PDE12: variants seen among roughly 807,000 people sequenced by gnomAD.
The protein encoded by PDE12 is 2',5'-phosphodiesterase 12.
A neutral mutation model predicts 45.4 loss-of-function variants in PDE12; 26 were observed. The ratio of observed to expected loss-of-function variants is 0.57; its 90% confidence interval spans 0.42 to 0.79. PDE12 has a LOEUF of 0.79. PDE12 is among the 30% of genes least tolerant of loss of function. The probability of loss-of-function intolerance (pLI) is 0.00; values close to 1 mark genes in which losing one functional copy is unlikely to be tolerated. For missense variants in PDE12, 668 were observed against 790.0 expected (o/e 0.85, Z 1.85); for synonymous variants, 283 against 323.9 (o/e 0.87, Z 1.36).
At chr3:57,598,711 G>T in the PDE12 span, among the ~76,000 whole-genome samples, 7 of 152,268 alleles carry the variant, frequency 4.6e-5, no homozygotes, top group East Asian at 1.3e-3. Context: ...AACCCGGGAG[G>T]CGGAGGTTGC....
At chr3:57,557,723 C>A in intron 1 of PDE12, 36 bp downstream of exon 1, 1 of 1,570,884 alleles carries the variant, frequency 6.4e-7, no homozygotes, top group Non-Finnish European at 8.7e-7. Flanking sequence ...ACATACTGTC[C>A]CACTTTTAGG....
the PDE12 span, among the ~76,000 whole-genome samples, chr3:57,638,420 G>A: frequency 6.6e-6 from 1 of 151,848 alleles, no homozygotes; most frequent in Non-Finnish European, 1.5e-5. Flanking sequence ...CACTTTGGGA[G>A]GCCAAGGCGG....
At chr3:57,580,503 G>C in the PDE12 span, among the ~76,000 whole-genome samples, 1 of 152,082 alleles carries the variant, frequency 6.6e-6, no homozygotes, top group Non-Finnish European at 1.5e-5. Context: ...CTGTGCTCAG[G>C]TGATCCTCCC....
chr3:57,561,941 A>C lies in PDE12; in HGVS notation c.*1937A>C. On this transcript the variant is annotated 3_prime_UTR_variant, in exon 3 of 3. Transcript: ENST00000311180. ...TTGTTTAGAAAAAACTATAAATAAA[A>C]AATTGATGCTACCAAATTGTGCCTT... 5 of 984,886 alleles carry C rather than the reference A, an allele frequency of 5.1e-6. No individual in the cohort carries two copies. The highest frequency in any genetic ancestry group is 6.0e-6 in the Non-Finnish European group (5 of 829,410). The allele number at this position is 984,886 out of a possible 1,614,324, so 61.0% of individuals were successfully genotyped here.
chr3:57,557,673 T>G lies in PDE12; in HGVS notation c.1294T>G (p.Ser432Ala), dbSNP rs369543865. The G allele has an allele frequency of 9.3e-6, 15 of 1,613,382 alleles. No individual in the cohort carries two copies. The highest frequency in any genetic ancestry group is 8.5e-6 in the Non-Finnish European group (10 of 1,179,692). The change falls in exon 1 of 3, where the codon TCT (serine) becomes GCT (alanine). Residue 432 changes from serine to alanine, a missense_variant. This residue lies in a region of PDE12 where 580 missense variants were observed against 662.9 expected (regional missense o/e 0.87). Transcript: ENST00000311180. ...AGCGCAGGAGAAGGTGCTCCAGAGA[T>G]CTTCTGTTCTTCAGGTAAAGTAGTT... ...PSAQEKVLQR[S>A]SVLQVSVLQS...
chr3:57,656,339 G>C, the PDE12 span, among the ~76,000 whole-genome samples: 1 of 152,088 alleles, frequency 6.6e-6, no homozygotes, highest in African/African-American at 2.4e-5. Flanking sequence ...TCACATTGTT[G>C]CATGTATCAA....
chr3:57,595,627 G>C, the PDE12 span, among the ~76,000 whole-genome samples: 1 of 152,270 alleles, frequency 6.6e-6, no homozygotes, highest in African/African-American at 2.4e-5. Context: ...GCTTGTGTTT[G>C]CAAGTTTTGA....
chr3:57,561,087 A>G lies in PDE12; in HGVS notation c.*1083A>G, dbSNP rs975290294. The G allele has an allele frequency of 3.1e-6, 3 of 982,694 alleles. No homozygotes were observed. Among genetic ancestry groups the G allele is most frequent in the Admixed American group, 6.2e-5 (1 of 16,244 alleles). The allele number at this position is 982,694 out of a possible 1,614,324, so 60.9% of individuals were successfully genotyped here. A position where few individuals can be genotyped will look rare whatever the true frequency, so the allele number is the denominator to read the frequency against. ...TTTTAATTTTTAGGATGCAAGCACAATTTAGTATTCAAAGTGAGTAGCAAC... is the reference window on the plus strand; with the variant it reads ...TTTTAATTTTTAGGATGCAAGCACAGTTTAGTATTCAAAGTGAGTAGCAAC... On this transcript the variant is annotated 3_prime_UTR_variant, in exon 3 of 3. Transcript: ENST00000311180.
chr3:57,629,184 C>A, the PDE12 span, among the ~76,000 whole-genome samples: 52 of 152,100 alleles, frequency 3.4e-4, no homozygotes, highest in African/African-American at 1.2e-3. Context: ...TAACAGTAAC[C>A]CCCACTTCCA....
chr3:57,601,895 C>T, the PDE12 span, among the ~76,000 whole-genome samples: 1 of 151,474 alleles, frequency 6.6e-6, no homozygotes, highest in Admixed American at 6.6e-5. Flanking sequence ...CAGGTGCACA[C>T]CACCACACCC....
the PDE12 span, chr3:57,575,424 A>G: frequency 3.0e-6 from 3 of 992,636 alleles, no homozygotes; most frequent in East Asian, 3.1e-5. Context: ...ATATTTTTAA[A>G]TAAATGATGT....
Position 57,559,295 on chromosome 3 carries a change from T to G in PDE12, c.1309-15T>G. The G allele has an allele frequency of 6.3e-7, 1 of 1,584,940 alleles. No homozygotes were observed. On this transcript the variant is annotated splice_polypyrimidine_tract_variant and intron_variant, in intron 1 of 2. Coordinates refer to ENST00000311180, the MANE Select transcript of PDE12 (RefSeq NM_177966.7). Reference sequence around the variant, plus strand: ...AAATGCCAACTGAACTCTTGGCACTTTCCGTTTATTTTAGGTTTCAGTTCT... The same window carrying G: ...AAATGCCAACTGAACTCTTGGCACTGTCCGTTTATTTTAGGTTTCAGTTCT...
At chr3:57,625,824 C>G in the PDE12 span, 1 of 152,438 alleles carries the variant, frequency 6.6e-6, no homozygotes, top group Non-Finnish European at 1.5e-5. Flanking sequence ...ATGAAGACAC[C>G]ATTATCATGC....
the PDE12 span, among the ~76,000 whole-genome samples, chr3:57,636,507 A>G: frequency 1.3e-5 from 2 of 152,340 alleles, no homozygotes; most frequent in South Asian, 4.1e-4. Flanking sequence ...AGAAATGACA[A>G]TATGGAGGGA....
In PDE12 at chr3:57,556,358, C is replaced by A. The variant is rs924774317; in HGVS notation, c.-22C>A. The A allele has an allele frequency of 1.3e-6, 2 of 1,535,774 alleles. No homozygotes were observed. Among genetic ancestry groups the A allele is most frequent in the Non-Finnish European group, 1.8e-6 (2 of 1,139,886 alleles). ...GCCGCTGATCGGCCGCGGGTCTTGT[C>A]GACCGCTAGGCCACCAGGTTCATGT... On this transcript the variant is annotated 5_prime_UTR_variant, in exon 1 of 3. Transcript: ENST00000311180. The surrounding 1 kb of genome is among the most constrained non-coding windows in gnomAD (Gnocchi z 5.0).
chr3:57,615,338 C>T, the PDE12 span, among the ~76,000 whole-genome samples: 20 of 152,108 alleles, frequency 1.3e-4, no homozygotes, highest in African/African-American at 3.6e-4. Context: ...ATAGAATATA[C>T]TATAATTTGT....
At chr3:57,575,798 A>G in the PDE12 span, 1 of 1,065,320 alleles carries the variant, frequency 9.4e-7, no homozygotes, top group African/African-American at 1.6e-5. Context: ...TCTCGACACA[A>G]AGTTCACTCT....
In PDE12 at chr3:57,561,960, G is replaced by C; in HGVS notation, c.*1956G>C. The C allele has an allele frequency of 1.0e-6, 1 of 984,626 alleles. No homozygotes were observed. The highest frequency in any genetic ancestry group is 1.2e-6 in the Non-Finnish European group (1 of 829,244). 61.0% of individuals were successfully genotyped at this position (984,626 alleles called of 1,614,324 possible). ...AATAAAAAATTGATGCTACCAAATT[G>C]TGCCTTCCTAAATAACATTTTTGAG... On this transcript the variant is annotated 3_prime_UTR_variant, in exon 3 of 3. Transcript: ENST00000311180.
At chr3:57,640,522 G>C in the PDE12 span, among the ~76,000 whole-genome samples, 1 of 152,086 alleles carries the variant, frequency 6.6e-6, no homozygotes, top group African/African-American at 2.4e-5. Context: ...GAACCTGGGA[G>C]AGCCGAGATA....
Sources: allele counts gnomAD v4.1 joint callset (sites outside exome capture counted in the v4.1 genomes callset), GRCh38; gene constraint gnomAD v4.1.1; regional missense constraint gnomAD v4.1.1; non-coding constraint Gnocchi (gnomAD v3.1); transcripts MANE v1.5; gene names NCBI Gene and HGNC (gene_info 2026-07-23, HGNC 2026-07-21).